The following TYR variants were observed in gnomAD, a reference collection of about 807,000 sequenced individuals.
TYR encodes LB24-AB.
TYR carries 58 observed loss-of-function variants against 51.5 expected under a neutral mutation model. The ratio of observed to expected loss-of-function variants is 1.13; its 90% CI spans 0.91 to 1.40. TYR has a LOEUF of 1.40. TYR is among the 40% of genes most tolerant of loss of function. The pLI, the probability that TYR is intolerant of heterozygous loss-of-function variation, is 0.00. For synonymous variants in TYR, 263 were observed against 235.2 expected (o/e 1.12, Z -1.08); for missense variants, 732 against 647.4 (o/e 1.13, Z -1.42).
At chr11:89,266,171 G>C (rs1944524215) in intron 3 of TYR, among the ~76,000 whole-genome samples, 2 of 151,946 alleles carry the variant, frequency 1.3e-5, no homozygotes, top group South Asian at 2.1e-4. Flanking sequence ...CATTAGGCTA[G>C]ACTTTAACAC....
At chr11:89,181,088 C>T (rs557208809) in intron 1 of TYR, among the ~76,000 whole-genome samples, 18 of 152,124 alleles carry the variant, frequency 1.2e-4, no homozygotes, top group Admixed American at 3.3e-4. Flanking sequence ...AATCTCCATA[C>T]GCTGCAACTT....
chr11:89,295,069 T>C (rs1944891225), intron 4 of TYR, 74 bp from the exon 5 acceptor site: 5 of 1,586,838 alleles, frequency 3.2e-6, no homozygotes. Flanking sequence ...CAAAGGACTG[T>C]GAAAGGATGA....
At position 89,231,080 on chromosome 11, in the gene TYR, A is replaced by C. The variant is rs562845661; in HGVS notation, c.1184+3110A>C. Among the ~76,000 whole-genome samples the C allele has an allele frequency of 2.0e-5, 3 of 150,208 alleles. No individual in the cohort carries two copies. The South Asian group carries it at 6.4e-4, about 32-fold the overall frequency. ...CAGCTACTCGGGAGGCTGAGGCACG[A>C]GAATTGTTTTAACTTGGGAGGTAGA... On this transcript the variant is annotated intron_variant, in intron 3 of 4. Transcript: ENST00000263321.
intron 2 of TYR, among the ~76,000 whole-genome samples, chr11:89,220,453 G>T (rs1340011178): frequency 6.6e-6 from 1 of 152,072 alleles, no homozygotes; most frequent in African/African-American, 2.4e-5. Context: ...TCCAAAAGTG[G>T]GGATTACATT....
chr11:89,276,270 C>T (rs1031214960), intron 3 of TYR, among the ~76,000 whole-genome samples: 10 of 151,810 alleles, frequency 6.6e-5, no homozygotes, highest in African/African-American at 2.2e-4. Context: ...GTTTAACTGA[C>T]AATCTAGCAT....
chr11:89,195,291 A>AT (rs1252255668), intron 2 of TYR, among the ~76,000 whole-genome samples: 1 of 152,144 alleles, frequency 6.6e-6, no homozygotes, highest in African/African-American at 2.4e-5. Context: ...GAACTGTTTT[A>AT]TTTTTGTCTA....
At chr11:89,202,904 T>A (rs929745734) in intron 2 of TYR, among the ~76,000 whole-genome samples, 1 of 152,136 alleles carries the variant, frequency 6.6e-6, no homozygotes, top group East Asian at 1.9e-4. Flanking sequence ...AAAAAAATGA[T>A]GCTGTTTCTA....
At chr11:89,257,238 A>G (rs1944403939) in intron 3 of TYR, among the ~76,000 whole-genome samples, 1 of 152,016 alleles carries the variant, frequency 6.6e-6, no homozygotes, top group Non-Finnish European at 1.5e-5. Flanking sequence ...GGGGCTGGAA[A>G]CAATAGCTTA....
At chr11:89,185,131 A>G (rs1264411545) in intron 1 of TYR, among the ~76,000 whole-genome samples, 4 of 152,120 alleles carry the variant, frequency 2.6e-5, no homozygotes, top group African/African-American at 9.7e-5. Context: ...AAATCATAAC[A>G]TGGGTCTTTA....
At chr11:89,271,867 C>T (rs1316297441) in intron 3 of TYR, among the ~76,000 whole-genome samples, 4 of 151,932 alleles carry the variant, frequency 2.6e-5, no homozygotes, top group Non-Finnish European at 5.9e-5. Context: ...TAAGTTTCAT[C>T]TCAAGAAACT....
At chr11:89,288,075 T>G (rs948811012) in intron 4 of TYR, among the ~76,000 whole-genome samples, 3 of 151,930 alleles carry the variant, frequency 2.0e-5, no homozygotes, top group Non-Finnish European at 4.4e-5. Context: ...TATGGTTTTG[T>G]TATACAGTGA....
At chr11:89,229,271 C>T (rs1373058878) in intron 3 of TYR, among the ~76,000 whole-genome samples, 2 of 151,800 alleles carry the variant, frequency 1.3e-5, no homozygotes, top group Non-Finnish European at 2.9e-5. Flanking sequence ...ATTCAGAAAT[C>T]AGTGTATAAG....
At chr11:89,252,197 T>C (rs1326597770) in intron 3 of TYR, among the ~76,000 whole-genome samples, 1 of 151,332 alleles carries the variant, frequency 6.6e-6, no homozygotes, top group Non-Finnish European at 1.5e-5. Context: ...AATCTGAAAA[T>C]TCCCTTGAGA....
intron 2 of TYR, chr11:89,200,651 T>C (rs960186571): frequency 1.3e-5 from 2 of 152,088 alleles, no homozygotes; most frequent in Non-Finnish European, 2.9e-5. Context: ...ATAATTTTAA[T>C]ATTTCAAAAA....
intron 2 of TYR, among the ~76,000 whole-genome samples, chr11:89,193,029 A>G (rs1275482436): frequency 3.3e-5 from 5 of 152,150 alleles, no homozygotes; most frequent in African/African-American, 4.8e-5. Flanking sequence ...GTCTTTTGAC[A>G]TAAGAAGGCA....
intron 2 of TYR, among the ~76,000 whole-genome samples, chr11:89,208,781 C>T (rs1256481404): frequency 2.6e-5 from 4 of 152,122 alleles, no homozygotes; most frequent in South Asian, 2.1e-4. Flanking sequence ...TCTTCTTAGA[C>T]GTATTTACTT....
chr11:89,191,864 G>T (rs1428435486), intron 2 of TYR, among the ~76,000 whole-genome samples: 3 of 152,134 alleles, frequency 2.0e-5, no homozygotes, highest in African/African-American at 7.2e-5. Context: ...CAACCTAATG[G>T]TGAGTAAAGT....
intron 3 of TYR, among the ~76,000 whole-genome samples, chr11:89,254,625 T>C (rs186171498): frequency 9.3e-4 from 142 of 151,984 alleles, no homozygotes; most frequent in South Asian, 2.1e-3. Flanking sequence ...ATGCTCATAG[T>C]AGCCTTGAAT....
intron 3 of TYR, among the ~76,000 whole-genome samples, chr11:89,262,809 A>T (rs1189144530): frequency 6.9e-6 from 1 of 145,696 alleles, no homozygotes; most frequent in Non-Finnish European, 1.5e-5. Flanking sequence ...TAGAAATCTA[A>T]ACAGACCTGT....
Sources: gnomAD v4.1 joint callset for allele counts (sites outside exome capture counted in the v4.1 genomes callset) on GRCh38, gnomAD v4.1.1 for gene constraint, MANE v1.5 for transcripts, NCBI Gene and HGNC (gene_info 2026-07-23, HGNC 2026-07-21) for gene names.